The following RIT2 variants were observed in gnomAD, a reference collection of about 807,000 sequenced individuals.
RIT2 encodes GTP-binding protein Rit2.
In RIT2, 24 loss-of-function variants were observed where a neutral mutation model predicts 23.7. The observed-to-expected ratio is 1.01, with a 90% CI of 0.73 to 1.43. The LOEUF is 1.43. RIT2 is among the 40% of genes most tolerant of loss of function. RIT2 has a pLI of 0.00. For synonymous variants in RIT2, 107 were observed against 91.1 expected, an observed-to-expected ratio of 1.17 and a Z score of -0.99; for missense variants, 236 against 266.9, an observed-to-expected ratio of 0.88 and a Z score of 0.81.
rs182082700 is a variant in RIT2, at chr18:43,080,300, T to C, written c.103+35117A>G. Among the ~76,000 whole-genome samples the C allele has an allele frequency of 4.6e-5, 7 of 152,258 alleles. No homozygotes were observed. The East Asian group carries it at 1.2e-3, about 25-fold the overall frequency. On this transcript the variant is annotated intron_variant, in intron 1 of 4. Transcript: ENST00000326695. ...ATGAGAAAAACAAGGTCAATACAGG[T>C]TGTATATGTTCTGCTCTCCAACGTA...
chr18:42,866,176 T>G (rs2144056271), intron 4 of RIT2, among the ~76,000 whole-genome samples: 1 of 152,342 alleles, frequency 6.6e-6, no homozygotes, highest in Non-Finnish European at 1.5e-5. Context: ...CTGGTTATTT[T>G]CTTCCATCTT....
chr18:42,913,979 C>T lies in RIT2; in HGVS notation c.426+9593G>A, dbSNP rs552004408. ...GATAAATATATATAATTTTACTTGT[C>T]AATTAAAAAGGCAAATAAGAAAAGA... On this transcript the variant is annotated intron_variant, in intron 4 of 4. Coordinates refer to ENST00000326695, the MANE Select transcript of RIT2 (RefSeq NM_002930.4). Among the ~76,000 whole-genome samples, 6 of 151,778 alleles carry T rather than the reference C, an allele frequency of 4.0e-5. No homozygotes were observed. In the South Asian group the frequency reaches 1.2e-3, roughly 32 times the overall value.
chr18:42,895,287 C>A (rs1719849341), intron 4 of RIT2, among the ~76,000 whole-genome samples: 1 of 151,898 alleles, frequency 6.6e-6, no homozygotes. Flanking sequence ...CTAGTCATTA[C>A]CAATTAAAGA....
intron 2 of RIT2, 32 bp from the exon 3 acceptor site, chr18:42,974,179 A>G (rs756597974): frequency 1.4e-6 from 2 of 1,456,150 alleles, no homozygotes; most frequent in Non-Finnish European, 9.6e-7. Context: ...TTACATTTAA[A>G]TGTGACAGGA....
chr18:43,001,285 T>C (rs544758985), intron 2 of RIT2, among the ~76,000 whole-genome samples: 1 of 152,052 alleles, frequency 6.6e-6, no homozygotes, highest in Non-Finnish European at 1.5e-5. Context: ...GTCAGTTTTT[T>C]AAAGGGCTTC....
chr18:42,752,628 T>C (rs1913073049), intron 4 of RIT2, among the ~76,000 whole-genome samples: 1 of 152,210 alleles, frequency 6.6e-6, no homozygotes, highest in Non-Finnish European at 1.5e-5. Context: ...ACATATTTAG[T>C]TGATTGTTCT....
intron 1 of RIT2, among the ~76,000 whole-genome samples, chr18:43,113,044 T>C (rs933652732): frequency 6.6e-6 from 1 of 152,168 alleles, no homozygotes; most frequent in Non-Finnish European, 1.5e-5. Flanking sequence ...TTTAGAGCCA[T>C]GATCATGCCA....
At chr18:42,944,545 A>C (rs544060859) in intron 3 of RIT2, among the ~76,000 whole-genome samples, 1 of 152,168 alleles carries the variant, frequency 6.6e-6, no homozygotes, top group South Asian at 2.1e-4. Flanking sequence ...GTGCATCTCA[A>C]TGAGGTAGGC....
chr18:42,929,032 G>GATATATATAT (rs1187388200), intron 3 of RIT2, among the ~76,000 whole-genome samples: 30 of 16,058 alleles, frequency 1.9e-3, no homozygotes, highest in African/African-American at 4.4e-3. Context: ...CTAAAATATG[G>GATATATATAT]AGATATATAT....
chr18:42,816,002 C>G (rs1905987550), intron 4 of RIT2, among the ~76,000 whole-genome samples: 1 of 152,156 alleles, frequency 6.6e-6, no homozygotes, highest in Admixed American at 6.5e-5. Context: ...CCAGTCTACA[C>G]AGAAAGCATG....
intron 3 of RIT2, among the ~76,000 whole-genome samples, chr18:42,948,098 C>T (rs921083739): frequency 4.6e-5 from 7 of 152,058 alleles, no homozygotes; most frequent in East Asian, 3.9e-4. Context: ...TACCTCCTAC[C>T]GTTCTAAATG....
At chr18:42,874,071 T>C (rs932525970) in intron 4 of RIT2, among the ~76,000 whole-genome samples, 11 of 152,168 alleles carry the variant, frequency 7.2e-5, no homozygotes, top group African/African-American at 2.7e-4. Flanking sequence ...GAGCAAATTA[T>C]GAATCAACAT....
chr18:42,995,069 C>T lies in RIT2; in HGVS notation c.161-20922G>A, dbSNP rs28798668. Among the ~76,000 whole-genome samples, 1,380 of 152,248 alleles carry T rather than the reference C, an allele frequency of 9.1e-3. 39 individuals carry two copies. The highest frequency in any genetic ancestry group is 0.031 in the African/African-American group (1,305 of 41,544). ...CCATATTTCCTTCTTTCCTGTTCCT[C>T]ACCCTGATCACACTTAGTTTATTGA... On this transcript the variant is annotated intron_variant, in intron 2 of 4. Coordinates refer to ENST00000326695, the MANE Select transcript of RIT2 (RefSeq NM_002930.4).
chr18:43,011,759 A>G (rs1331201995), intron 2 of RIT2, among the ~76,000 whole-genome samples: 6 of 151,756 alleles, frequency 4.0e-5, no homozygotes, highest in African/African-American at 9.7e-5. Flanking sequence ...ATGTGTTCCT[A>G]GTGCTTTTTC....
chr18:43,081,552 A>C (rs1913158189), intron 1 of RIT2, among the ~76,000 whole-genome samples: 1 of 152,134 alleles, frequency 6.6e-6, no homozygotes, highest in Non-Finnish European at 1.5e-5. Context: ...ATTCATCAGG[A>C]GTTCTCCACC....
rs562678883 is a variant in RIT2, at chr18:42,957,507, C to T, written c.234+16567G>A. ...ATCAGTTCATGCAATTTACAATTCA[C>T]GTAAATTAAATAATTCCTGTAATCC... On this transcript the variant is annotated intron_variant, in intron 3 of 4. Transcript: ENST00000326695. Among the ~76,000 whole-genome samples, 55 of 152,186 alleles carry T rather than the reference C, an allele frequency of 3.6e-4. No homozygotes were observed. The South Asian group carries it at 9.5e-3, about 26-fold the overall frequency.
At chr18:43,003,239 A>G (rs1051174293) in intron 2 of RIT2, among the ~76,000 whole-genome samples, 2 of 99,436 alleles carry the variant, frequency 2.0e-5, no homozygotes, top group Non-Finnish European at 4.8e-5. Flanking sequence ...AAACTAATAA[A>G]ACATCCAAGC....
At chr18:42,960,312 T>A in intron 3 of RIT2, among the ~76,000 whole-genome samples, 1 of 152,152 alleles carries the variant, frequency 6.6e-6, no homozygotes, top group South Asian at 2.1e-4. Context: ...TTTTGTTTGT[T>A]TTTGTTTTTG....
chr18:42,918,719 C>T (rs548533478), intron 4 of RIT2, among the ~76,000 whole-genome samples: 30 of 152,226 alleles, frequency 2.0e-4, no homozygotes, highest in East Asian at 3.9e-4. Flanking sequence ...ATGCTTAGGA[C>T]GCTTGATATG....
Sources: gnomAD v4.1 joint callset for allele counts (sites outside exome capture counted in the v4.1 genomes callset) on GRCh38, gnomAD v4.1.1 for gene constraint, MANE v1.5 for transcripts, NCBI Gene and HGNC (gene_info 2026-07-23, HGNC 2026-07-21) for gene names.